PSD3: variants seen among roughly 807,000 people sequenced by gnomAD.
PSD3 encodes the protein PH and SEC7 domain-containing protein 3.
In PSD3, 49 loss-of-function variants were observed where a neutral mutation model predicts 105.5. The ratio of observed to expected loss-of-function variants is 0.46; its 90% CI spans 0.37 to 0.59. The LOEUF is 0.59. Among genes scored for constraint, PSD3 ranks in the 20% least tolerant of loss-of-function variants. PSD3 has a pLI of 0.00. For missense variants in PSD3, 1,561 were observed against 1,263.8 expected, an observed-to-expected ratio of 1.24 and a Z score of -3.57; for synonymous variants, 557 against 457.8, an observed-to-expected ratio of 1.22 and a Z score of -2.77.
At chr8:18,735,301 T>C (rs973614222) in intron 9 of PSD3, among the ~76,000 whole-genome samples, 3 of 151,904 alleles carry the variant, frequency 2.0e-5, no homozygotes, top group East Asian at 1.9e-4. Flanking sequence ...ATGAAAAAAA[T>C]TGGGAAAGCT....
chr8:18,850,890 A>T (rs113999673), intron 4 of PSD3, among the ~76,000 whole-genome samples: 1,602 of 152,282 alleles, frequency 0.011, 30 homozygotes, highest in African/African-American at 0.036. Flanking sequence ...CCTTAAGAAC[A>T]TGCTGGGCAC....
intron 2 of PSD3, among the ~76,000 whole-genome samples, chr8:18,932,262 G>A (rs965865828): frequency 6.6e-6 from 1 of 152,178 alleles, no homozygotes; most frequent in Admixed American, 6.5e-5. Context: ...GTCGTAGGCT[G>A]GGACCCAGGC....
intron 1 of PSD3, among the ~76,000 whole-genome samples, chr8:19,040,533 T>C (rs1333839007): frequency 6.6e-6 from 1 of 152,188 alleles, no homozygotes; most frequent in Admixed American, 6.5e-5. Context: ...TGTGATGAGA[T>C]ACCTTAGAGG....
rs1814475973 is a variant in PSD3 at position 18,839,943 on chromosome 8, T to C, written c.1634+27731A>G. ...CCACATCATTCACAGAGACAGACAG[T>C]GCCACCCTTCCATAAAAACTTCTCC... On this transcript the variant is annotated intron_variant, in intron 4 of 15. Transcript: ENST00000327040. Among the ~76,000 whole-genome samples, 3 of 152,276 alleles carry C rather than the reference T, an allele frequency of 2.0e-5. No individual in the cohort carries two copies. In the South Asian group the frequency reaches 6.2e-4, roughly 32 times the overall value.
chr8:18,658,974 C>A (rs1809107020), intron 9 of PSD3, among the ~76,000 whole-genome samples: 1 of 152,120 alleles, frequency 6.6e-6, no homozygotes, highest in South Asian at 2.1e-4. Flanking sequence ...ATAGTAACAA[C>A]AACAAACTAG....
At chr8:19,046,449 G>A (rs931463562) in intron 1 of PSD3, among the ~76,000 whole-genome samples, 1 of 152,054 alleles carries the variant, frequency 6.6e-6, no homozygotes, top group African/African-American at 2.4e-5. Flanking sequence ...CATCATTTTA[G>A]CAGCAACCGA....
At chr8:19,082,174 A>T (rs1829665320) in intron 1 of PSD3, among the ~76,000 whole-genome samples, 1 of 152,132 alleles carries the variant, frequency 6.6e-6, no homozygotes, top group Non-Finnish European at 1.5e-5. Context: ...TTTAACACCC[A>T]ACCCTGGGCA....
At position 19,066,314 on chromosome 8, in the gene PSD3, T is replaced by C. The variant is rs1208366098; in HGVS notation, c.324+17892A>G. ...ATCTCAGTTCTGAGAAAATTTTTCT[T>C]TAAAGAAATTTTAATTCTAACAAAC... On this transcript the variant is annotated intron_variant, in intron 1 of 1. Transcript: ENST00000521475. Among the ~76,000 whole-genome samples, 3 of 152,226 alleles carry C rather than the reference T, an allele frequency of 2.0e-5. No individual in the cohort carries two copies. In the East Asian group the frequency reaches 5.8e-4, roughly 29 times the overall value.
intron 15 of PSD3, among the ~76,000 whole-genome samples, chr8:18,539,874 A>G (rs1296916556): frequency 3.3e-5 from 5 of 152,168 alleles, no homozygotes; most frequent in Admixed American, 2.0e-4. Context: ...GGTTTGACAC[A>G]CCAGCTCAGA....
intron 12 of PSD3, among the ~76,000 whole-genome samples, chr8:18,576,071 GA>G (rs1393872298): frequency 6.6e-6 from 1 of 152,042 alleles, no homozygotes; most frequent in East Asian, 1.9e-4. Flanking sequence ...AAAGCCTAAA[GA>G]AAGATATTGT....
intron 11 of PSD3, among the ~76,000 whole-genome samples, chr8:18,611,848 G>A (rs1805290053): frequency 6.6e-6 from 1 of 152,100 alleles, no homozygotes; most frequent in Non-Finnish European, 1.5e-5. Context: ...TTATAGATTA[G>A]CCTTTTTCCT....
At chr8:18,968,353 G>A (rs1824415800) in intron 1 of PSD3, among the ~76,000 whole-genome samples, 1 of 152,190 alleles carries the variant, frequency 6.6e-6, no homozygotes. Flanking sequence ...TATTTTAAAA[G>A]CAGAATGTGT....
intron 8 of PSD3, among the ~76,000 whole-genome samples, chr8:18,796,832 T>G (rs555223330): frequency 1.3e-5 from 2 of 152,306 alleles, no homozygotes; most frequent in East Asian, 1.9e-4. Context: ...CCCATGAAGA[T>G]TATTCTGGCA....
intron 8 of PSD3, among the ~76,000 whole-genome samples, chr8:18,768,292 T>C (rs976024751): frequency 1.3e-5 from 2 of 150,584 alleles, no homozygotes; most frequent in African/African-American, 2.4e-5. Flanking sequence ...GTTCAAAAAA[T>C]AAATAAATAA....
intron 1 of PSD3, among the ~76,000 whole-genome samples, chr8:18,971,878 G>C (rs1824672968): frequency 6.6e-6 from 1 of 152,054 alleles, no homozygotes; most frequent in Non-Finnish European, 1.5e-5. Flanking sequence ...GGTGGCGGGT[G>C]CCTATAATCC....
intron 1 of PSD3, among the ~76,000 whole-genome samples, chr8:18,998,728 C>A (rs1411960458): frequency 6.6e-6 from 1 of 151,850 alleles, no homozygotes; most frequent in Non-Finnish European, 1.5e-5. Context: ...AAAAGGTCCA[C>A]CCTTTCTGCA....
At chr8:18,844,542 G>A (rs1266896408) in intron 4 of PSD3, among the ~76,000 whole-genome samples, 1 of 151,874 alleles carries the variant, frequency 6.6e-6, no homozygotes, top group African/African-American at 2.4e-5. Context: ...CTACCCTTGA[G>A]CCCAAACCAC....
At chr8:18,815,266 T>C (rs547759742) in intron 4 of PSD3, among the ~76,000 whole-genome samples, 10 of 152,278 alleles carry the variant, frequency 6.6e-5, no homozygotes, top group African/African-American at 2.4e-4. Context: ...AATTTTACCA[T>C]CTCTATTGGT....
intron 2 of PSD3, 139 bp downstream of exon 2, chr8:18,935,895 G>A (rs1346042162): frequency 5.2e-6 from 3 of 575,078 alleles, no homozygotes; most frequent in Non-Finnish European, 9.3e-6. Flanking sequence ...TACATCTTGG[G>A]AAGATTGTTT....
Sources: allele counts gnomAD v4.1 joint callset (sites outside exome capture counted in the v4.1 genomes callset), GRCh38; gene constraint gnomAD v4.1.1; transcripts MANE v1.5; gene names NCBI Gene and HGNC (gene_info 2026-07-23, HGNC 2026-07-21).